The following PASK variants were observed in gnomAD, a reference collection of about 807,000 sequenced individuals.
PASK encodes PAS domain containing serine/threonine kinase.
A neutral mutation model predicts 121.0 loss-of-function variants in PASK; 110 were observed. The ratio of observed to expected loss-of-function variants is 0.91; its 90% CI spans 0.78 to 1.06. The LOEUF is 1.06. Ranked by LOEUF, PASK falls within the 50% of genes least tolerant of loss-of-function variation. The pLI is 0.00. For synonymous variants in PASK, 686 were observed against 717.8 expected, an observed-to-expected ratio of 0.96 and a Z score of 0.71; for missense variants, 1,643 against 1,702.3, an observed-to-expected ratio of 0.97 and a Z score of 0.61.
chr2:241,140,174 T>C, intron 3 of PASK, 119 bp from the exon 4 acceptor site: 1 of 827,822 alleles, frequency 1.2e-6, no homozygotes, highest in African/African-American at 1.7e-5. Flanking sequence ...AGGGTCTCAC[T>C]CTGTTGCCCA....
At chr2:241,111,294 C>G (rs2065101899) in intron 15 of PASK, among the ~76,000 whole-genome samples, 1 of 152,212 alleles carries the variant, frequency 6.6e-6, no homozygotes, top group African/African-American at 2.4e-5. Flanking sequence ...TAGAGAACCA[C>G]ATGGAGCAGA....
In PASK at chr2:241,123,865, A is replaced by G. The variant is rs562037448; in HGVS notation, c.2904+84T>C. The G allele has an allele frequency of 5.1e-6, 6 of 1,180,786 alleles. No homozygotes were observed. In the East Asian group the frequency reaches 1.2e-4, roughly 23 times the overall value. 73.1% of individuals were successfully genotyped at this position (1,180,786 alleles called of 1,614,324 possible). On this transcript the variant is annotated intron_variant, in intron 11 of 17. Transcript: ENST00000234040. ...CAAACAGACTGTATTCCCGTCCCCA[A>G]GGAAACAGAGAGAGATGCCAACTAG...
In PASK at chr2:241,146,468, G is replaced by A. The variant is rs139075338; in HGVS notation, c.-43+2946C>T. Among the ~76,000 whole-genome samples, 7 of 152,160 alleles carry A rather than the reference G, an allele frequency of 4.6e-5. No individual in the cohort carries two copies. The South Asian group carries it at 6.2e-4, about 14-fold the overall frequency. ...GGGAGGGAAGAAAGGGAGGGAGTGC[G>A]GGAGAGAGGGAGGAAAAAAGGAAAT... On this transcript the variant is annotated intron_variant, in intron 1 of 17. Coordinates refer to ENST00000234040, the MANE Select transcript of PASK (RefSeq NM_015148.4).
At chr2:241,119,821 T>C (rs2065530153) in intron 12 of PASK, among the ~76,000 whole-genome samples, 1 of 152,184 alleles carries the variant, frequency 6.6e-6, no homozygotes, top group South Asian at 2.1e-4. Flanking sequence ...TTCCTTATCC[T>C]GCTGCCCCTG....
At chr2:241,130,625 G>A (rs1037641475) in intron 9 of PASK, among the ~76,000 whole-genome samples, 1 of 152,116 alleles carries the variant, frequency 6.6e-6, no homozygotes, top group Middle Eastern at 3.2e-3. Flanking sequence ...CTCACGTGTT[G>A]AGCGCCTGCT....
Position 241,139,988 on chromosome 2 carries a change from T to G in PASK, c.497A>C (p.Lys166Thr), listed in dbSNP as rs373907266. The change falls in exon 4 of 18, where the codon AAG (lysine) becomes ACG (threonine). Residue 166 changes from lysine to threonine, a missense_variant. This residue lies in a region of PASK where 1,176 missense variants were observed against 1,162.2 expected (regional missense o/e 1.01). Transcript: ENST00000234040. ...TGACCTCAGAAAGAACTGCGTGAGC[T>G]TCTGGCCAATCAGGTCCTGGCTGCT... ...GYSSQDLIGQ[K>T]LTQFFLRSDS... 1.9e-6 allele frequency: 3 copies of G among 1,614,000 alleles called. No individual in the cohort carries two copies. In the African/African-American group the frequency reaches 4.0e-5, roughly 22 times the overall value.
chr2:241,143,736 G>A (rs2066821314), intron 1 of PASK, among the ~76,000 whole-genome samples: 1 of 152,114 alleles, frequency 6.6e-6, no homozygotes, highest in South Asian at 2.1e-4. Context: ...TCAGCACGTG[G>A]GGGCTGCACA....
chr2:241,140,123 C>A, intron 3 of PASK, 68 bp from the exon 4 acceptor site: 1 of 1,262,602 alleles, frequency 7.9e-7, no homozygotes, highest in Non-Finnish European at 1.1e-6. Flanking sequence ...CCCAGAACAG[C>A]CCAGGACGAC....
chr2:241,114,855 CCTCACTTT>C, intron 14 of PASK, 180 bp downstream of exon 14: 1 of 1,500,740 alleles, frequency 6.7e-7, no homozygotes, highest in Non-Finnish European at 8.8e-7. Flanking sequence ...TCCTTCCCAA[CCTCACTTT>C]CTCTACTTCA....
upstream of PASK, chr2:241,149,665 G>C (rs1226029533): frequency 1.9e-6 from 3 of 1,545,058 alleles, no homozygotes; most frequent in Non-Finnish European, 2.6e-6. Context: ...CTCCGCCCCC[G>C]GGCCGGGCAG....
chr2:241,114,440 C>T (rs1431214288), intron 14 of PASK: 4 of 994,274 alleles, frequency 4.0e-6, no homozygotes, highest in East Asian at 2.2e-4. Context: ...AGGATGGAAC[C>T]GCCACCCTCT....
chr2:241,127,557 C>T (rs545994401), intron 9 of PASK, 106 bp from the exon 10 acceptor site: 4 of 954,152 alleles, frequency 4.2e-6, no homozygotes, highest in Non-Finnish European at 6.7e-6. Context: ...TTTAATGCCA[C>T]CAATTTATAA....
At chr2:241,138,896 G>A (rs1197933557) in intron 4 of PASK, 102 bp from the exon 5 acceptor site, 9 of 1,084,124 alleles carry the variant, frequency 8.3e-6, no homozygotes, top group Non-Finnish European at 1.3e-5. Context: ...GCACTGCAAC[G>A]TTTTCAACTT....
intron 1 of PASK, chr2:241,145,636 G>A (rs1282937915): frequency 2.6e-5 from 4 of 151,798 alleles, no homozygotes; most frequent in African/African-American, 4.8e-5. Flanking sequence ...CAGCACTTTG[G>A]GAGGCCGAGG....
chr2:241,133,098 G>A lies in PASK; in HGVS notation c.1307-68C>T, dbSNP rs779213287. On this transcript the variant is annotated intron_variant, in intron 8 of 17. Transcript: ENST00000234040. ...CTCCCTAAAACGAATCTGCTCATTC[G>A]CCTGGAACTCACTGAGACTGCTTCA... 2.4e-5 allele frequency: 36 copies of A among 1,476,330 alleles called. No individual in the cohort carries two copies. In the African/African-American group the frequency reaches 2.8e-4, roughly 11 times the overall value. The allele number at this position is 1,476,330 out of a possible 1,614,324, so 91.5% of individuals were successfully genotyped here.
chr2:241,141,001 C>T (rs911947817), intron 2 of PASK: 3 of 547,576 alleles, frequency 5.5e-6, no homozygotes, highest in African/African-American at 1.9e-5. Flanking sequence ...GTCTAAATTA[C>T]ACTCAAAGCC....
At chr2:241,139,658 C>T (rs1360684802) in intron 4 of PASK, 12 of 702,226 alleles carry the variant, frequency 1.7e-5, no homozygotes, top group Non-Finnish European at 3.2e-5. Context: ...AGTCCAGCCA[C>T]AGCCACAGTG....
At chr2:241,123,371 G>A (rs2065710242) in intron 11 of PASK, among the ~76,000 whole-genome samples, 1 of 151,678 alleles carries the variant, frequency 6.6e-6, no homozygotes, top group South Asian at 2.1e-4. Context: ...GTAGAGATGG[G>A]GTTTCACTGT....
Position 241,107,418 on chromosome 2 carries a change from C to T in PASK, c.3749G>A (p.Trp1250Ter). Residue 1250 changes from tryptophan to a stop codon, truncating the protein, a stop_gained, in exon 17 of 18, where the codon TGG becomes TAG. Transcript: ENST00000234040. LOFTEE classifies it high-confidence loss of function. ...AGCAAGATTCACAGGCTGTGTTACC[C>T]ACGGGTCTGTCACCAGCTTCTCCAA... ...TTLEKLVTDP[W>*]VTQPVNLADY... is the part of the protein sequence containing the mutation. 6.2e-7 allele frequency: 1 copy of T among 1,613,990 alleles called. No individual in the cohort carries two copies. Among genetic ancestry groups the T allele is most frequent in the Non-Finnish European group, 8.5e-7 (1 of 1,179,852 alleles).
Sources: allele counts gnomAD v4.1 joint callset (sites outside exome capture counted in the v4.1 genomes callset), GRCh38; gene constraint gnomAD v4.1.1; regional missense constraint gnomAD v4.1.1; transcripts MANE v1.5; gene names NCBI Gene and HGNC (gene_info 2026-07-23, HGNC 2026-07-21).